Variants in SDCBP observed in about 807,000 individuals in gnomAD.
SDCBP encodes syndecan binding protein.
In SDCBP, 22 loss-of-function variants were observed where a neutral mutation model predicts 30.5. The observed-to-expected ratio is 0.72, with a 90% CI of 0.52 to 1.03. The LOEUF is 1.03. Ranked by LOEUF, SDCBP falls within the 50% of genes least tolerant of loss-of-function variation. The pLI, the probability that SDCBP is intolerant of heterozygous loss-of-function variation, is 0.00. For synonymous variants in SDCBP, 103 were observed against 118.7 expected (o/e 0.87, Z 0.86); for missense variants, 304 against 369.9 (o/e 0.82, Z 1.46).
At chr8:58,555,905 T>C (rs7843989) in intron 1 of SDCBP, among the ~76,000 whole-genome samples, 26 of 151,872 alleles carry the variant, frequency 1.7e-4, no homozygotes, top group Non-Finnish European at 2.9e-5. Context: ...ACATTTTTCA[T>C]TCATTTTATG....
Position 58,582,486 on chromosome 8 carries a change from G to GT in SDCBP, c.*751dup, listed in dbSNP as rs1333589378. 5 of 152,562 alleles carry GT rather than the reference G, an allele frequency of 3.3e-5. No homozygotes were observed. The highest frequency in any genetic ancestry group is 5.9e-5 in the Non-Finnish European group (4 of 68,032). 9.5% of individuals were successfully genotyped at this position (152,562 alleles called of 1,614,324 possible). A position where few individuals can be genotyped will look rare whatever the true frequency, so the allele number is the denominator to read the frequency against. ...TGAGCTATAGCATAGCTGCTTAGTT[G>GT]TTTTTGAGATTTTTTAGTCAACACA... On this transcript the variant is annotated 3_prime_UTR_variant, in exon 9 of 9. Coordinates refer to ENST00000260130, the MANE Select transcript of SDCBP (RefSeq NM_005625.4).
intron 2 of SDCBP, among the ~76,000 whole-genome samples, chr8:58,570,341 CTG>C (rs1466376385): frequency 6.6e-6 from 1 of 152,132 alleles, no homozygotes; most frequent in Admixed American, 6.5e-5. Flanking sequence ...CAGTGATAAA[CTG>C]TGCTATTTTC....
chr8:58,572,388 G>C, intron 4 of SDCBP, 74 bp downstream of exon 4: 1 of 1,001,086 alleles, frequency 1.0e-6, no homozygotes, highest in Non-Finnish European at 1.5e-6. Flanking sequence ...TCCTCTTTGT[G>C]GCTAACTCAC....
At chr8:58,572,616 T>C (rs1805089107) in intron 4 of SDCBP, among the ~76,000 whole-genome samples, 1 of 152,126 alleles carries the variant, frequency 6.6e-6, no homozygotes. Context: ...ATTCATTTTA[T>C]CTGTTTTTTA....
chr8:58,557,240 A>G (rs1299477320), intron 1 of SDCBP, among the ~76,000 whole-genome samples: 2 of 129,410 alleles, frequency 1.5e-5, no homozygotes, highest in East Asian at 4.3e-4. Context: ...AAATGATATT[A>G]ATTTTAATCA....
At chr8:58,567,711 C>G (rs974620591) in intron 2 of SDCBP, among the ~76,000 whole-genome samples, 1 of 152,140 alleles carries the variant, frequency 6.6e-6, no homozygotes, top group Non-Finnish European at 1.5e-5. Context: ...GATGGCATAG[C>G]CTACTACACA....
chr8:58,567,973 A>C (rs1347931576), intron 2 of SDCBP, among the ~76,000 whole-genome samples: 2 of 152,190 alleles, frequency 1.3e-5, no homozygotes, highest in African/African-American at 4.8e-5. Flanking sequence ...TAAGTCAGTG[A>C]GTGAGCGGTG....
chr8:58,555,922 T>G (rs1804073744), intron 1 of SDCBP, among the ~76,000 whole-genome samples: 1 of 152,166 alleles, frequency 6.6e-6, no homozygotes, highest in African/African-American at 2.4e-5. Flanking sequence ...TATGAATAGT[T>G]TGCAGAAGTG....
Position 58,580,518 on chromosome 8 carries a change from ACT to A in SDCBP, c.756_757del (p.Gln253AsnfsTer23). 1 of 1,501,084 alleles carries A rather than the reference ACT, an allele frequency of 6.7e-7. No individual in the cohort carries two copies. Among genetic ancestry groups the A allele is most frequent in the Non-Finnish European group, 9.3e-7 (1 of 1,078,954 alleles). 93.0% of individuals were successfully genotyped at this position (1,501,084 alleles called of 1,614,324 possible). Reference sequence around the variant, plus strand: ...ATTTTTAATATGTGTTTTTATCAGGACTCTCAAATTGCAGACATACTGTCAAC... The same window carrying A: ...ATTTTTAATATGTGTTTTTATCAGGACTCAAATTGCAGACATACTGTCAAC... On this transcript the variant is annotated frameshift_variant and splice_region_variant, in exon 8 of 9. Coordinates refer to ENST00000260130, the MANE Select transcript of SDCBP (RefSeq NM_005625.4). LOFTEE classifies it high-confidence loss of function.
At chr8:58,581,351 T>G (rs1273578632) in intron 8 of SDCBP, among the ~76,000 whole-genome samples, 1 of 152,174 alleles carries the variant, frequency 6.6e-6, no homozygotes, top group African/African-American at 2.4e-5. Context: ...AGGGTTCTCT[T>G]TTCTTAAATC....
Position 58,555,110 on chromosome 8 carries a change from C to T in SDCBP, c.-16+1807C>T, listed in dbSNP as rs545097835. The stretch of plus-strand genomic sequence containing the variant: ...TGCTCTTATTTTTCCAGTTAGTGAT[C>T]ATATTTTGGAGCTTTTCTAATATCA... On this transcript the variant is annotated intron_variant, in intron 1 of 8. Transcript: ENST00000260130. Among the ~76,000 whole-genome samples, 8 of 152,232 alleles carry T rather than the reference C, an allele frequency of 5.3e-5. No homozygotes were observed. In the South Asian group the frequency reaches 1.7e-3, roughly 32 times the overall value.
intron 5 of SDCBP, 192 bp downstream of exon 5, chr8:58,576,253 G>C: frequency 1.9e-6 from 1 of 515,988 alleles, no homozygotes; most frequent in South Asian, 2.7e-5. Flanking sequence ...TGGGACTTCT[G>C]ACCACATTAC....
At chr8:58,580,773 G>A (rs1450535749) in intron 8 of SDCBP, among the ~76,000 whole-genome samples, 165 bp downstream of exon 8, 1 of 152,152 alleles carries the variant, frequency 6.6e-6, no homozygotes, top group Non-Finnish European at 1.5e-5. Flanking sequence ...GTAAGGATGA[G>A]CTCTTACAAC....
intron 1 of SDCBP, 72 bp downstream of exon 1, chr8:58,553,375 G>C (rs543731645): frequency 1.3e-5 from 2 of 153,136 alleles, no homozygotes; most frequent in South Asian, 4.1e-4. Context: ...GCAGAGGTGT[G>C]ACGGTCCCTG....
At chr8:58,559,514 A>G (rs1804322789) in intron 1 of SDCBP, among the ~76,000 whole-genome samples, 1 of 152,170 alleles carries the variant, frequency 6.6e-6, no homozygotes, top group East Asian at 1.9e-4. Flanking sequence ...GGATTAATAC[A>G]ATTAAATCAT....
chr8:58,568,292 A>G (rs140733512), intron 2 of SDCBP, among the ~76,000 whole-genome samples: 5 of 152,244 alleles, frequency 3.3e-5, no homozygotes, highest in African/African-American at 4.8e-5. Context: ...ACACACACTC[A>G]CATTAGCCTA....
At position 58,576,010 on chromosome 8, in the gene SDCBP, G is replaced by A. The variant is rs377675926; in HGVS notation, c.351G>A (p.Leu117=). 1.1e-5 allele frequency: 17 copies of A among 1,613,558 alleles called. No individual in the cohort carries two copies. In the Admixed American group the frequency reaches 1.2e-4, roughly 11 times the overall value. ...EIKQGIREVI[L]CKDQDGKIGL... ...AGCAAGGGATTCGTGAAGTCATTTT[G>A]TGTAAGGATCAAGATGGAAAAATTG... Residue 117 remains leucine (L), a synonymous_variant, in exon 5 of 9, where the codon TTG becomes TTA. Transcript: ENST00000260130.
At chr8:58,557,926 T>G (rs1804236890) in intron 1 of SDCBP, among the ~76,000 whole-genome samples, 1 of 152,210 alleles carries the variant, frequency 6.6e-6, no homozygotes, top group Non-Finnish European at 1.5e-5. Flanking sequence ...CTTCCACTGA[T>G]GTAATAGTTA....
chr8:58,564,081 A>C (rs1804578911), intron 1 of SDCBP, among the ~76,000 whole-genome samples: 1 of 152,200 alleles, frequency 6.6e-6, no homozygotes, highest in Admixed American at 6.5e-5. Context: ...TTCCTCCTAC[A>C]GTGTACCTCC....
Sources: gnomAD v4.1 joint callset for allele counts (sites outside exome capture counted in the v4.1 genomes callset) on GRCh38, gnomAD v4.1.1 for gene constraint, MANE v1.5 for transcripts, NCBI Gene and HGNC (gene_info 2026-07-23, HGNC 2026-07-21) for gene names.